ZRANB3: variants seen among roughly 807,000 people sequenced by gnomAD.
ZRANB3 encodes zinc finger RANBP2-type containing 3, also known as DNA annealing helicase and endonuclease ZRANB3.
ZRANB3 carries 125 observed loss-of-function variants against 133.8 expected under a neutral mutation model. The ratio of observed to expected loss-of-function variants is 0.93; its 90% CI spans 0.81 to 1.08. ZRANB3 has a LOEUF of 1.08. Among genes scored for constraint, ZRANB3 ranks in the 50% least tolerant of loss-of-function variants. The probability of loss-of-function intolerance (pLI) is 0.00; values close to 1 mark genes in which losing one functional copy is unlikely to be tolerated. For missense variants in ZRANB3, 1,229 were observed against 1,275.5 expected, an observed-to-expected ratio of 0.96 and a Z score of 0.56; for synonymous variants, 387 against 432.7, an observed-to-expected ratio of 0.89 and a Z score of 1.31.
intron 5 of ZRANB3, among the ~76,000 whole-genome samples, chr2:135,347,148 A>G (rs1473717439): frequency 6.6e-6 from 1 of 152,200 alleles, no homozygotes; most frequent in Non-Finnish European, 1.5e-5. Context: ...AAATAATTCC[A>G]TTGTACGGCT....
At chr2:135,523,706 A>C (rs1574253446) in intron 1 of ZRANB3, among the ~76,000 whole-genome samples, 2 of 152,242 alleles carry the variant, frequency 1.3e-5, no homozygotes, top group African/African-American at 4.8e-5. Context: ...TAATCTGCCC[A>C]AGGTAACACA....
At position 135,288,613 on chromosome 2, in the gene ZRANB3, T is replaced by G. The variant is rs149655593; in HGVS notation, c.967-12858A>C. 7.4e-3 allele frequency among the ~76,000 whole-genome samples: 1,125 copies of G among 152,348 alleles called. 12 individuals carry two copies. The highest frequency in any genetic ancestry group is 0.026 in the African/African-American group (1,068 of 41,584). On this transcript the variant is annotated intron_variant, in intron 8 of 20. Coordinates refer to ENST00000264159, the MANE Select transcript of ZRANB3 (RefSeq NM_032143.4). ...TTATTGGTCTGTTCAGAGTCTCTAT[T>G]TCTTCCTGGTTTAATCTAGGAGTGT...
Position 135,389,876 on chromosome 2 carries a change from C to CTTTTTTTTT in ZRANB3, c.180+917_180+925dup, listed in dbSNP as rs1165827390. 1.8e-3 allele frequency among the ~76,000 whole-genome samples: 183 copies of CTTTTTTTTT among 102,324 alleles called. 1 individual carries two copies. Among genetic ancestry groups the CTTTTTTTTT allele is most frequent in the South Asian group, 2.1e-3 (5 of 2,430 alleles). 67.1% of individuals were successfully genotyped at this position (102,324 alleles called of 152,430 possible). On this transcript the variant is annotated intron_variant, in intron 3 of 20. Transcript: ENST00000264159. ...GAAAAGTGTATGTTTTGCTGTTATT[C>CTTTTTTTTT]TTTTTTTTTTTTTTTTTTTTTTGAG...
chr2:135,243,554 T>C (rs1695648133), intron 12 of ZRANB3, among the ~76,000 whole-genome samples: 1 of 152,174 alleles, frequency 6.6e-6, no homozygotes. Flanking sequence ...TCTTTCTTAA[T>C]CTGCTTGTTT....
intron 17 of ZRANB3, among the ~76,000 whole-genome samples, chr2:135,213,020 G>T (rs1694163833): frequency 6.6e-6 from 1 of 152,188 alleles, no homozygotes; most frequent in Admixed American, 6.5e-5. Context: ...TCTGAGCTTG[G>T]ATGGGGCCTG....
intron 5 of ZRANB3, among the ~76,000 whole-genome samples, chr2:135,347,437 C>T (rs1282693389): frequency 6.6e-6 from 1 of 152,088 alleles, no homozygotes; most frequent in Non-Finnish European, 1.5e-5. Context: ...GGACTACAGG[C>T]GCCCACCACC....
At chr2:135,246,127 C>T (rs1215504759) in intron 12 of ZRANB3, among the ~76,000 whole-genome samples, 1 of 143,836 alleles carries the variant, frequency 7.0e-6, no homozygotes, top group East Asian at 2.1e-4. Flanking sequence ...CAACTTCCGC[C>T]TCCCAGGTTC....
At chr2:135,502,669 T>G (rs541945208) in intron 2 of ZRANB3, among the ~76,000 whole-genome samples, 14 of 152,194 alleles carry the variant, frequency 9.2e-5, no homozygotes, top group Non-Finnish European at 1.3e-4. Context: ...ATGAAATACC[T>G]AAAGGAGTTA....
Position 135,272,414 on chromosome 2 carries a change from C to CTTTTTTTTTTTTTTT in ZRANB3, c.1087-542_1087-528dup. Among the ~76,000 whole-genome samples the CTTTTTTTTTTTTTTT allele has an allele frequency of 8.4e-4, 90 of 107,742 alleles. 11 individuals are homozygous for CTTTTTTTTTTTTTTT. The highest frequency in any genetic ancestry group is 4.6e-3 in the Middle Eastern group (1 of 218). The allele number at this position is 107,742 out of a possible 152,430, so 70.7% of individuals were successfully genotyped here. On this transcript the variant is annotated intron_variant, in intron 9 of 20. Transcript: ENST00000264159. ...CCAAATATTAACTGGGAAAATAGAG[C>CTTTTTTTTTTTTTTT]TTTTTTTTTTTTTTTTTTGTGACGG...
intron 1 of ZRANB3, among the ~76,000 whole-genome samples, chr2:135,530,026 GACCAT>G (rs747154504): frequency 2.0e-5 from 3 of 151,212 alleles, no homozygotes; most frequent in Non-Finnish European, 4.4e-5. Flanking sequence ...AGGAGATCGA[GACCAT>G]CCTGGCCAAC....
chr2:135,459,697 C>A (rs886239499), intron 2 of ZRANB3, among the ~76,000 whole-genome samples: 1 of 152,092 alleles, frequency 6.6e-6, no homozygotes, highest in African/African-American at 2.4e-5. Flanking sequence ...TCTAGAAATT[C>A]TCCTTATGAA....
chr2:135,306,016 C>A (rs1682674423), intron 8 of ZRANB3, among the ~76,000 whole-genome samples: 1 of 152,152 alleles, frequency 6.6e-6, no homozygotes, highest in South Asian at 2.1e-4. Flanking sequence ...TTTTAGAATT[C>A]TCCCTTTGTC....
intron 1 of ZRANB3, among the ~76,000 whole-genome samples, chr2:135,529,193 T>C (rs1694286778): frequency 2.0e-5 from 3 of 152,202 alleles, no homozygotes; most frequent in Non-Finnish European, 4.4e-5. Flanking sequence ...AGAATTTATC[T>C]GAGAAAGTCT....
chr2:135,402,574 C>T (rs1007598003), intron 2 of ZRANB3, among the ~76,000 whole-genome samples: 1 of 151,072 alleles, frequency 6.6e-6, no homozygotes, highest in Admixed American at 6.6e-5. Context: ...GATTACAGGG[C>T]TTAGCCACTG....
intron 3 of ZRANB3, among the ~76,000 whole-genome samples, chr2:135,383,491 C>G (rs868541384): frequency 1.3e-5 from 2 of 152,064 alleles, no homozygotes; most frequent in Non-Finnish European, 2.9e-5. Context: ...CTGCACCAAG[C>G]GGACCTAATA....
intron 1 of ZRANB3, among the ~76,000 whole-genome samples, chr2:135,516,736 G>A (rs1221968293): frequency 6.6e-6 from 1 of 152,086 alleles, no homozygotes; most frequent in Admixed American, 6.5e-5. Context: ...TGGTGAATCT[G>A]ACAATTATGT....
At chr2:135,353,757 T>A in intron 3 of ZRANB3, 129 bp from the exon 4 acceptor site, 2 of 565,032 alleles carry the variant, frequency 3.5e-6, no homozygotes, top group Non-Finnish European at 5.1e-6. Flanking sequence ...TCCCAGCACT[T>A]TGGGAGGCTG....
intron 1 of ZRANB3, chr2:135,530,673 G>A (rs1694518665): frequency 6.6e-6 from 1 of 152,202 alleles, no homozygotes; most frequent in African/African-American, 2.4e-5. Flanking sequence ...GTATTTTGAG[G>A]AAACTCTTCC....
intron 14 of ZRANB3, among the ~76,000 whole-genome samples, chr2:135,226,039 G>T (rs1694749119): frequency 6.6e-6 from 1 of 152,186 alleles, no homozygotes; most frequent in Non-Finnish European, 1.5e-5. Context: ...CCTGGCCTGG[G>T]CTATCATTAA....
Sources: allele counts gnomAD v4.1 joint callset (sites outside exome capture counted in the v4.1 genomes callset), GRCh38; gene constraint gnomAD v4.1.1; transcripts MANE v1.5; gene names NCBI Gene and HGNC (gene_info 2026-07-23, HGNC 2026-07-21).